PLEKHA8: variants seen among roughly 807,000 people sequenced by gnomAD.
The protein encoded by PLEKHA8 is pleckstrin homology domain-containing family A member 8.
Under a neutral mutation model 68.2 loss-of-function variants are expected in PLEKHA8, and 36 were observed. The ratio of observed to expected loss-of-function variants is 0.53; its 90% CI spans 0.40 to 0.70. The LOEUF (loss-of-function observed/expected upper bound fraction) is 0.70, where lower values mean the gene tolerates loss of function less well. Among genes scored for constraint, PLEKHA8 ranks in the 30% least tolerant of loss-of-function variants. The pLI, the probability that PLEKHA8 is intolerant of heterozygous loss-of-function variation, is 0.00. For missense variants in PLEKHA8, 505 were observed against 615.4 expected (o/e 0.82, Z 1.90); for synonymous variants, 211 against 216.1 (o/e 0.98, Z 0.20).
chr7:30,038,956 C>G (rs992790319), intron 1 of PLEKHA8, among the ~76,000 whole-genome samples: 3 of 149,342 alleles, frequency 2.0e-5, no homozygotes, highest in African/African-American at 7.4e-5. Flanking sequence ...ATGAGGTATG[C>G]CAGTTTAGAT....
chr7:30,072,198 T>C (rs2127994761), intron 12 of PLEKHA8: 1 of 152,356 alleles, frequency 6.6e-6, no homozygotes, highest in East Asian at 1.9e-4. Context: ...GTATTAATTA[T>C]CACTTATTGC....
rs185087961 is a variant in PLEKHA8 at position 30,058,518 on chromosome 7, G to A, written c.1040-2366G>A. ...TGTGGTAACTGGTTGCTCAAGAACC[G>A]TGGGTCAAAATATGTTTTCCTTTTT... On this transcript the variant is annotated intron_variant, in intron 9 of 13. Coordinates refer to ENST00000449726, the MANE Select transcript of PLEKHA8 (RefSeq NM_001197026.2). Among the ~76,000 whole-genome samples, 34 of 148,642 alleles carry A rather than the reference G, an allele frequency of 2.3e-4. 1 individual carries two copies. Among genetic ancestry groups the A allele is most frequent in the Admixed American group, 1.6e-3 (23 of 14,798 alleles).
chr7:30,074,453 T>A (rs1028292587), intron 13 of PLEKHA8, among the ~76,000 whole-genome samples: 1 of 152,192 alleles, frequency 6.6e-6, no homozygotes, highest in Non-Finnish European at 1.5e-5. Flanking sequence ...CAATTCTAAT[T>A]ACTCTAGCCA....
rs992290472 is a variant in PLEKHA8, at chr7:30,081,768, T to G, written c.*2981T>G. On this transcript the variant is annotated 3_prime_UTR_variant, in exon 14 of 14. Transcript: ENST00000449726. ...GTATTGTAGACACAAATAAGTAACATTAGGCTAACCCCTTATGAGACATTT... is the reference window on the plus strand; with the variant it reads ...GTATTGTAGACACAAATAAGTAACAGTAGGCTAACCCCTTATGAGACATTT... The G allele has an allele frequency of 1.0e-6, 1 of 985,392 alleles. No individual in the cohort carries two copies. The highest frequency in any genetic ancestry group is 1.2e-6 in the Non-Finnish European group (1 of 829,902). 61.0% of individuals were successfully genotyped at this position (985,392 alleles called of 1,614,324 possible). A position where few individuals can be genotyped will look rare whatever the true frequency, so the allele number is the denominator to read the frequency against.
intron 13 of PLEKHA8, among the ~76,000 whole-genome samples, chr7:30,118,835 A>G (rs1796649332): frequency 6.6e-6 from 1 of 152,208 alleles, no homozygotes; most frequent in South Asian, 2.1e-4. Flanking sequence ...TCTGAGGCCC[A>G]TCTTTCTCCA....
At chr7:30,122,857 T>C (rs1440943924) in intron 13 of PLEKHA8, among the ~76,000 whole-genome samples, 2 of 151,724 alleles carry the variant, frequency 1.3e-5, no homozygotes, top group Non-Finnish European at 2.9e-5. Flanking sequence ...GAAAATGATC[T>C]GGCTAGAGAC....
chr7:30,114,612 C>G (rs1796369967), intron 13 of PLEKHA8, among the ~76,000 whole-genome samples: 2 of 152,052 alleles, frequency 1.3e-5, no homozygotes, highest in Admixed American at 1.3e-4. Context: ...TCTTTTAGTG[C>G]TATTTATTGT....
chr7:30,110,261 A>G (rs1468768689), intron 13 of PLEKHA8, among the ~76,000 whole-genome samples: 4 of 152,208 alleles, frequency 2.6e-5, no homozygotes, highest in African/African-American at 4.8e-5. Flanking sequence ...TATAAATGGA[A>G]TCATACAATG....
At chr7:30,098,841 C>T (rs927095386) in intron 13 of PLEKHA8, among the ~76,000 whole-genome samples, 2 of 152,252 alleles carry the variant, frequency 1.3e-5, no homozygotes, top group Non-Finnish European at 2.9e-5. Context: ...CACTGTCCGG[C>T]ACTCCCCAGT....
At chr7:30,036,451 G>C (rs73077972) in intron 1 of PLEKHA8, among the ~76,000 whole-genome samples, 11,761 of 150,372 alleles carry the variant, frequency 0.078, 638 homozygotes, top group Admixed American at 0.14. Context: ...TAGATAGATA[G>C]ATAGATAGAT....
At chr7:30,057,645 G>A (rs2127985133) in intron 9 of PLEKHA8, among the ~76,000 whole-genome samples, 1 of 152,106 alleles carries the variant, frequency 6.6e-6, no homozygotes, top group Non-Finnish European at 1.5e-5. Context: ...ATTTTTAATA[G>A]AGACAAGGTT....
Position 30,081,448 on chromosome 7 carries a change from C to T in PLEKHA8, c.*2661C>T. 1.0e-6 allele frequency: 1 copy of T among 984,606 alleles called. No individual in the cohort carries two copies. Among genetic ancestry groups the T allele is most frequent in the Non-Finnish European group, 1.2e-6 (1 of 829,192 alleles). The allele number at this position is 984,606 out of a possible 1,614,324, so 61.0% of individuals were successfully genotyped here. ...TTGGCATAGTCAGAGCTTCCTCCTACATCTAAAGTATTTGCTCTCTGTTTT... is the reference window on the plus strand; with the variant it reads ...TTGGCATAGTCAGAGCTTCCTCCTATATCTAAAGTATTTGCTCTCTGTTTT... On this transcript the variant is annotated 3_prime_UTR_variant, in exon 14 of 14. Coordinates refer to ENST00000449726, the MANE Select transcript of PLEKHA8 (RefSeq NM_001197026.2).
chr7:30,115,732 G>T (rs1043269789), intron 13 of PLEKHA8: 2 of 116,244 alleles, frequency 1.7e-5, no homozygotes, highest in Non-Finnish European at 3.9e-5. Context: ...ATGCATACAC[G>T]TATACATGTA....
chr7:30,098,589 C>G (rs1387866112), intron 13 of PLEKHA8, among the ~76,000 whole-genome samples: 2 of 152,236 alleles, frequency 1.3e-5, no homozygotes, highest in African/African-American at 2.4e-5. Context: ...GACTGCTGTG[C>G]TAGCAATGAG....
chr7:30,062,846 G>T, intron 12 of PLEKHA8, 104 bp downstream of exon 12: 3 of 819,596 alleles, frequency 3.7e-6, no homozygotes, highest in East Asian at 2.8e-5. Flanking sequence ...TTCAGAATTT[G>T]ATTTTGTTTC....
At chr7:30,038,910 TA>T (rs76370104) in intron 1 of PLEKHA8, among the ~76,000 whole-genome samples, 963 of 139,504 alleles carry the variant, frequency 6.9e-3, no homozygotes, top group Middle Eastern at 0.011. Flanking sequence ...GTTGGGAAAT[TA>T]AAAAAAAAAA....
At chr7:30,094,639 A>G (rs987665135), downstream of PLEKHA8, among the ~76,000 whole-genome samples, 1 of 151,510 alleles carries the variant, frequency 6.6e-6, no homozygotes. Context: ...TAGGTCATTT[A>G]GCATTAGGTA....
chr7:30,090,222 AAG>A (rs763915278), exon 13 of PLEKHA8: 1 of 1,543,672 alleles, frequency 6.5e-7, no homozygotes, highest in South Asian at 1.2e-5. Context: ...AGAATGAAGA[AAG>A]AATTCCTCAC....
rs1230674745 is a variant in PLEKHA8 at position 30,084,284 on chromosome 7, CATAGATTT to C, written c.*5500_*5507del. On this transcript the variant is annotated 3_prime_UTR_variant, in exon 14 of 14. Transcript: ENST00000449726. ...GTATTCTTATGAATGTTTGTGGTTT[CATAGATTT>C]ATGCACTTTGAATATCTGTCACGTG... The C allele has an allele frequency of 1.0e-6, 1 of 985,246 alleles. No individual in the cohort carries two copies. Among genetic ancestry groups the C allele is most frequent in the African/African-American group, 1.7e-5 (1 of 57,210 alleles). 61.0% of individuals were successfully genotyped at this position (985,246 alleles called of 1,614,324 possible).
Sources: gnomAD v4.1 joint callset for allele counts (sites outside exome capture counted in the v4.1 genomes callset) on GRCh38, gnomAD v4.1.1 for gene constraint, MANE v1.5 for transcripts, NCBI Gene and HGNC (gene_info 2026-07-23, HGNC 2026-07-21) for gene names.